TBCD: variants seen among roughly 807,000 people sequenced by gnomAD.
The protein encoded by TBCD is tubulin-specific chaperone D.
A neutral mutation model predicts 169.3 loss-of-function variants in TBCD; 105 were observed. The observed-to-expected ratio is 0.62, with a 90% CI of 0.53 to 0.73. TBCD has a LOEUF of 0.73. Ranked by LOEUF, TBCD falls within the 30% of genes least tolerant of loss-of-function variation. The pLI is 0.00. For missense variants in TBCD, 1,444 were observed against 1,600.1 expected, an observed-to-expected ratio of 0.90 and a Z score of 1.66; for synonymous variants, 700 against 643.9, an observed-to-expected ratio of 1.09 and a Z score of -1.32.
chr17:82,942,010 C>T (rs918021187), intron 38 of TBCD: 16 of 251,628 alleles, frequency 6.4e-5, no homozygotes, highest in Admixed American at 1.1e-4. Flanking sequence ...AGCCTCCTTC[C>T]GGCAGGAGGT....
Position 82,943,160 on chromosome 17 carries a change from C to G in TBCD, c.*697C>G, listed in dbSNP as rs8180. The G allele has an allele frequency of 0.72, 109,725 of 152,254 alleles. 39,938 individuals are homozygous for G. Among genetic ancestry groups the G allele is most frequent in the South Asian group, 0.84 (4,093 of 4,848 alleles). The allele number at this position is 152,254 out of a possible 1,614,324, so 9.4% of individuals were successfully genotyped here. On this transcript the variant is annotated 3_prime_UTR_variant, in exon 39 of 39. Transcript: ENST00000355528. Reference sequence around the variant, plus strand: ...CCAATGTGTGCCTCTACAGTAATGTCGGAAATAAATACCATTCTTGAAATA... The same window carrying G: ...CCAATGTGTGCCTCTACAGTAATGTGGGAAATAAATACCATTCTTGAAATA...
intron 15 of TBCD, among the ~76,000 whole-genome samples, chr17:82,888,230 G>A (rs1481019290): frequency 6.6e-6 from 1 of 152,238 alleles, no homozygotes; most frequent in Non-Finnish European, 1.5e-5. Flanking sequence ...TGGTCTGCGT[G>A]TCTGTTCTGC....
Position 82,884,479 on chromosome 17 carries a change from T to C in TBCD, c.1533+277T>C, listed in dbSNP as rs984769468. Among the ~76,000 whole-genome samples, 1 of 152,194 alleles carries C rather than the reference T, an allele frequency of 6.6e-6. No individual in the cohort carries two copies. Among genetic ancestry groups the C allele is most frequent in the Non-Finnish European group, 1.5e-5 (1 of 68,026 alleles). ...ATGGAGGCGAGTGGGAGGTGCCCGATGACAGGTCTTGGTGCAGGCAGCTGC... is the reference window on the plus strand; with the variant it reads ...ATGGAGGCGAGTGGGAGGTGCCCGACGACAGGTCTTGGTGCAGGCAGCTGC... On this transcript the variant is annotated intron_variant, in intron 15 of 38. Coordinates refer to ENST00000355528, the MANE Select transcript of TBCD (RefSeq NM_005993.5). The surrounding 1 kb of genome is among the most constrained non-coding windows in gnomAD (Gnocchi z 4.2).
Position 82,922,871 on chromosome 17 carries a change from G to A in TBCD, c.2179-781G>A, listed in dbSNP as rs1275570776. Among the ~76,000 whole-genome samples, 1 of 152,264 alleles carries A rather than the reference G, an allele frequency of 6.6e-6. No homozygotes were observed. Among genetic ancestry groups the A allele is most frequent in the African/African-American group, 2.4e-5 (1 of 41,474 alleles). On this transcript the variant is annotated intron_variant, in intron 25 of 38. Coordinates refer to ENST00000355528, the MANE Select transcript of TBCD (RefSeq NM_005993.5). The surrounding 1 kb of genome is among the most constrained non-coding windows in gnomAD (Gnocchi z 4.1). ...TGCCACTTGCTGGCTGTGTGGTCAC[G>A]AGAGGCTCCTCCGTAGGTGGCAGAG...
chr17:82,841,222 G>A (rs1253932062), intron 13 of TBCD, among the ~76,000 whole-genome samples: 2 of 151,914 alleles, frequency 1.3e-5, no homozygotes, highest in African/African-American at 4.8e-5. Context: ...GATTACAGGT[G>A]TGAGCCACTG....
At chr17:82,802,850 G>T (rs1443074944) in intron 9 of TBCD, among the ~76,000 whole-genome samples, 1 of 152,270 alleles carries the variant, frequency 6.6e-6, no homozygotes, top group Non-Finnish European at 1.5e-5. Flanking sequence ...GGCGCAGTCA[G>T]GTTGCCATGT....
rs1366013014 is a variant in TBCD, at chr17:82,943,615, CACCAGGACCACAAG to C, written c.*1161_*1174del. 1 of 152,214 alleles carries C rather than the reference CACCAGGACCACAAG, an allele frequency of 6.6e-6. No individual in the cohort carries two copies. The highest frequency in any genetic ancestry group is 2.4e-5 in the African/African-American group (1 of 41,438). 9.4% of individuals were successfully genotyped at this position (152,214 alleles called of 1,614,324 possible). ...ACCGCATCTGTGAGGCTTGTGAGGT[CACCAGGACCACAAG>C]ACCAGGACTGTGACAGTCCGTGCTG... On this transcript the variant is annotated 3_prime_UTR_variant, in exon 39 of 39. Coordinates refer to ENST00000355528, the MANE Select transcript of TBCD (RefSeq NM_005993.5).
intron 6 of TBCD, among the ~76,000 whole-genome samples, chr17:82,777,800 C>G (rs1052359851): frequency 2.0e-5 from 3 of 152,174 alleles, no homozygotes; most frequent in African/African-American, 7.2e-5. Context: ...ATGTCAGGCC[C>G]TCCACAGGAG....
rs2048982335 is a variant in TBCD, at chr17:82,782,072, G to A, written c.771+351G>A. Among the ~76,000 whole-genome samples the A allele has an allele frequency of 2.0e-5, 3 of 152,218 alleles. No homozygotes were observed. The highest frequency in any genetic ancestry group is 2.0e-4 in the Admixed American group (3 of 15,282). ...GAACGAGCTCTAATAAAACAAGGTG[G>A]GTGAGTTGAAATTTGATTCTGTTCC... On this transcript the variant is annotated intron_variant, in intron 7 of 38. Transcript: ENST00000355528. The surrounding 1 kb of genome is among the most constrained non-coding windows in gnomAD (Gnocchi z 5.1).
chr17:82,844,206 C>CGTGTGTGTGTGTGTGTGTGTGT (rs769300875), intron 13 of TBCD, among the ~76,000 whole-genome samples: 11,974 of 127,248 alleles, frequency 0.094, 1,055 homozygotes, highest in African/African-American at 0.16. Flanking sequence ...GGATGTTCTC[C>CGTGTGTGTGTGTGTGTGTGTGT]GTGTGTGTGT....
In TBCD at chr17:82,800,845, G is replaced by A. The variant is rs372199613; in HGVS notation, c.818-19G>A. On this transcript the variant is annotated intron_variant, in intron 8 of 38. Coordinates refer to ENST00000355528, the MANE Select transcript of TBCD (RefSeq NM_005993.5). ...ATGCCTGCAGCCCTTCCTGCGCTGA[G>A]TCCAGTTCTTGTTTGCAGCTGCCAC... is the stretch of plus-strand genomic sequence containing the variant. 6.2e-7 allele frequency: 1 copy of A among 1,610,670 alleles called. No homozygotes were observed. Among genetic ancestry groups the A allele is most frequent in the Non-Finnish European group, 8.5e-7 (1 of 1,178,746 alleles).
At chr17:82,885,789 G>A (rs1038348213) in intron 15 of TBCD, among the ~76,000 whole-genome samples, 3 of 152,054 alleles carry the variant, frequency 2.0e-5, no homozygotes, top group Admixed American at 6.6e-5. Flanking sequence ...CCTTTAAATT[G>A]GCAATAAATC....
At chr17:82,927,157 T>C in intron 28 of TBCD, 29 bp from the exon 29 acceptor site, 1 of 1,613,632 alleles carries the variant, frequency 6.2e-7, no homozygotes, top group East Asian at 2.2e-5. Context: ...CCGATGTTTG[T>C]TTGTTAGCTC....
At chr17:82,805,746 G>A (rs986309354) in intron 9 of TBCD, 129 bp from the exon 10 acceptor site, 13 of 1,104,010 alleles carry the variant, frequency 1.2e-5, no homozygotes, top group Non-Finnish European at 1.5e-5. Flanking sequence ...CTTCTTATCC[G>A]GTCTCTGCAA....
At chr17:82,849,760 C>T (rs941115965) in intron 13 of TBCD, among the ~76,000 whole-genome samples, 1 of 152,228 alleles carries the variant, frequency 6.6e-6, no homozygotes, top group African/African-American at 2.4e-5. Flanking sequence ...CGTCATGTCA[C>T]CTCAGCCAGG....
chr17:82,757,208 G>C (rs1022186721), intron 2 of TBCD, among the ~76,000 whole-genome samples: 2 of 152,108 alleles, frequency 1.3e-5, no homozygotes, highest in Admixed American at 6.6e-5. Context: ...GGGTTTCCTC[G>C]CCCCCCGTGG....
Position 82,831,217 on chromosome 17 carries a change from C to A in TBCD, c.1318+16283C>A. Reference sequence around the variant, plus strand: ...CATGAAGTCGGTGGGGCTCGGCCTCCCTGGGGAGCCCGTGGCTGCACTCCC... The same window carrying A: ...CATGAAGTCGGTGGGGCTCGGCCTCACTGGGGAGCCCGTGGCTGCACTCCC... On this transcript the variant is annotated intron_variant, in intron 13 of 38. Transcript: ENST00000355528. This position sits in a 1 kb window ranked among gnomAD's most constrained non-coding sequence, Gnocchi z 4.6. The A allele has an allele frequency of 6.2e-7, 1 of 1,614,044 alleles. No homozygotes were observed. The highest frequency in any genetic ancestry group is 1.7e-5 in the Admixed American group (1 of 60,024).
intron 9 of TBCD, among the ~76,000 whole-genome samples, chr17:82,805,640 A>G (rs538889573): frequency 2.2e-4 from 33 of 152,256 alleles, no homozygotes; most frequent in Non-Finnish European, 3.7e-4. Flanking sequence ...AAAGCTGGAC[A>G]CTAGCTGAGG....
At chr17:82,929,640 T>C in intron 32 of TBCD, 140 bp downstream of exon 32, 1 of 1,218,010 alleles carries the variant, frequency 8.2e-7, no homozygotes, top group Non-Finnish European at 1.2e-6. Flanking sequence ...GGTTAGGGGG[T>C]CAGGGGCCCA....
Sources: gnomAD v4.1 joint callset for allele counts (sites outside exome capture counted in the v4.1 genomes callset) on GRCh38, gnomAD v4.1.1 for gene constraint, Gnocchi (gnomAD v3.1) non-coding constraint, MANE v1.5 for transcripts, NCBI Gene and HGNC (gene_info 2026-07-23, HGNC 2026-07-21) for gene names.